GLB1: variants seen among roughly 807,000 people sequenced by gnomAD.
The protein encoded by GLB1 is beta-galactosidase.
A neutral mutation model predicts 74.0 loss-of-function variants in GLB1; 56 were observed. The observed-to-expected ratio is 0.76, with a 90% CI of 0.61 to 0.94. The LOEUF (loss-of-function observed/expected upper bound fraction) is 0.94, where lower values mean the gene tolerates loss of function less well. Among genes scored for constraint, GLB1 ranks in the 40% least tolerant of loss-of-function variants. GLB1 has a pLI of 0.00. For synonymous variants in GLB1, 323 were observed against 323.6 expected, an observed-to-expected ratio of 1.00 and a Z score of 0.02; for missense variants, 787 against 845.5, an observed-to-expected ratio of 0.93 and a Z score of 0.86.
chr3:32,978,457 G>A, the GLB1 span, among the ~76,000 whole-genome samples: 1 of 152,154 alleles, frequency 6.6e-6, no homozygotes, highest in South Asian at 2.1e-4. Context: ...GTGGACTCCT[G>A]TAGCAGAGGG....
At chr3:33,045,137 C>T (rs1342689899) in intron 10 of GLB1, among the ~76,000 whole-genome samples, 2 of 152,138 alleles carry the variant, frequency 1.3e-5, no homozygotes, top group Non-Finnish European at 2.9e-5. Flanking sequence ...CAGGAACTGT[C>T]CTGGATGGCT....
chr3:33,009,932 T>C (rs190414119), intron 15 of GLB1, among the ~76,000 whole-genome samples: 208 of 152,386 alleles, frequency 1.4e-3, no homozygotes, highest in African/African-American at 4.5e-3. Context: ...GATTGTGGCA[T>C]GTTATCAGTA....
chr3:33,010,968 C>CA, intron 15 of GLB1, among the ~76,000 whole-genome samples: 1 of 152,154 alleles, frequency 6.6e-6, no homozygotes, highest in African/African-American at 2.4e-5. Context: ...GAGATTCTCC[C>CA]ACCTCAGTCT....
the GLB1 span, among the ~76,000 whole-genome samples, chr3:32,983,310 T>A: frequency 1.3e-5 from 2 of 152,234 alleles, no homozygotes; most frequent in African/African-American, 4.8e-5. Flanking sequence ...TTGTTTTCTA[T>A]GCTACATTCT....
At chr3:33,020,813 T>A (rs1697438183) in intron 12 of GLB1, among the ~76,000 whole-genome samples, 1 of 152,220 alleles carries the variant, frequency 6.6e-6, no homozygotes, top group Non-Finnish European at 1.5e-5. Context: ...CAGGATAATG[T>A]TCTTTTTCTT....
chr3:33,030,622 A>C, intron 10 of GLB1: 1 of 985,446 alleles, frequency 1.0e-6, no homozygotes. Flanking sequence ...TTCAAACTTC[A>C]TTAAGCTTTT....
At position 32,997,298 on chromosome 3, in the gene GLB1, G is replaced by C; in HGVS notation, c.1781C>G (p.Ala594Gly). 1 of 1,614,078 alleles carries C rather than the reference G, an allele frequency of 6.2e-7. No individual in the cohort carries two copies. The highest frequency in any genetic ancestry group is 8.5e-7 in the Non-Finnish European group (1 of 1,180,034). ...AAACAAGGTCAACTGAGGGCCCCGG[G>C]CTGGCCAATAGCGGCCAAGGTTAAA... is the stretch of plus-strand genomic sequence containing the variant. Reference protein sequence around the residue: ...NGFNLGRYWPARGPQLTLFVP... With the variant: ...NGFNLGRYWPGRGPQLTLFVP... Residue 594 changes from alanine to glycine, a missense_variant, in exon 16 of 16, where the codon GCC becomes GGC. Ala to Gly is a moderately conservative substitution (Grantham distance 60). Transcript: ENST00000307363.
chr3:33,010,226 T>A (rs1696966443), intron 15 of GLB1, among the ~76,000 whole-genome samples: 1 of 152,214 alleles, frequency 6.6e-6, no homozygotes, highest in African/African-American at 2.4e-5. Context: ...AAGATTCCCT[T>A]TCCCCCATGT....
Position 33,006,750 on chromosome 3 carries a change from G to A in GLB1, c.1734+7306C>T, listed in dbSNP as rs529039582. Among the ~76,000 whole-genome samples, 4 of 152,232 alleles carry A rather than the reference G, an allele frequency of 2.6e-5. No individual in the cohort carries two copies. The South Asian group carries it at 6.2e-4, about 24-fold the overall frequency. On this transcript the variant is annotated intron_variant, in intron 15 of 15. Transcript: ENST00000307363. The stretch of plus-strand genomic sequence containing the variant: ...AAGTGATTTTTTAATCTTATGAATC[G>A]CCCTTATCAGTGACTTTGCTCTCTA...
chr3:33,034,048 A>G, intron 10 of GLB1: 1 of 550,046 alleles, frequency 1.8e-6, no homozygotes, highest in Non-Finnish European at 3.6e-6. Context: ...CTATGTGGCA[A>G]GTGGCCTGGG....
intron 13 of GLB1, 127 bp downstream of exon 13, chr3:33,018,321 A>G: frequency 1.1e-5 from 3 of 280,068 alleles, no homozygotes; most frequent in Middle Eastern, 1.2e-3. Context: ...AAAAAAAAAA[A>G]AAAGATGATG....
intron 15 of GLB1, among the ~76,000 whole-genome samples, chr3:33,011,899 C>G (rs1161573451): frequency 6.6e-6 from 1 of 152,164 alleles, no homozygotes. Context: ...TGCAATCTGG[C>G]TGGGAGATGC....
intron 10 of GLB1, among the ~76,000 whole-genome samples, chr3:33,044,212 G>A (rs1281639239): frequency 1.3e-5 from 2 of 152,126 alleles, no homozygotes; most frequent in Non-Finnish European, 2.9e-5. Context: ...GCTTTCAAGG[G>A]ATTGGTATCA....
chr3:32,993,239 G>A (rs1050217675), downstream of GLB1, among the ~76,000 whole-genome samples: 2 of 152,176 alleles, frequency 1.3e-5, no homozygotes, highest in African/African-American at 4.8e-5. Flanking sequence ...GAATAAACTG[G>A]ATTTGCTGAG....
intron 2 of GLB1, among the ~76,000 whole-genome samples, chr3:33,071,777 C>T (rs932765785): frequency 6.6e-6 from 1 of 152,012 alleles, no homozygotes; most frequent in Non-Finnish European, 1.5e-5. Context: ...GAAATTAGAA[C>T]CCCTCTCTCC....
chr3:33,008,782 A>G (rs566916381), intron 15 of GLB1, among the ~76,000 whole-genome samples: 1 of 152,276 alleles, frequency 6.6e-6, no homozygotes, highest in East Asian at 1.9e-4. Context: ...GCAGAGTAGA[A>G]GGCCAAAGGG....
the GLB1 span, among the ~76,000 whole-genome samples, chr3:32,976,620 G>A: frequency 6.6e-6 from 1 of 152,262 alleles, no homozygotes; most frequent in East Asian, 1.9e-4. Flanking sequence ...TCTTCTCCGG[G>A]AAGCTCCCAA....
Position 33,058,093 on chromosome 3 carries a change from T to A in GLB1, c.729A>T (p.Gly243=). 3.1e-6 allele frequency: 5 copies of A among 1,613,548 alleles called. No individual in the cohort carries two copies. Among genetic ancestry groups the A allele is most frequent in the Non-Finnish European group, 4.2e-6 (5 of 1,180,024 alleles). The change falls in exon 6 of 16, where the codon GGA becomes GGT. Residue 243 remains glycine (G), a synonymous_variant. Transcript: ENST00000307363. ...TCTGTTACTACAAACACCAACCTGT[T>A]CCAAAGTCCACCGTGGTGTAGAGGC... ...LQGLYTTVDF[G]TGSNITDAFL...
chr3:32,988,658 A>G, the GLB1 span, among the ~76,000 whole-genome samples: 3 of 152,314 alleles, frequency 2.0e-5, no homozygotes, highest in African/African-American at 4.8e-5. Flanking sequence ...TCAGAATTCC[A>G]TCTTTTACCA....
Sources: gnomAD v4.1 joint callset for allele counts (sites outside exome capture counted in the v4.1 genomes callset) on GRCh38, gnomAD v4.1.1 for gene constraint, MANE v1.5 for transcripts, NCBI Gene and HGNC (gene_info 2026-07-23, HGNC 2026-07-21) for gene names.